Variants in ZBTB7C observed in about 807,000 individuals in gnomAD.
ZBTB7C encodes the protein zinc finger and BTB domain containing 7C, also known as zinc finger and BTB domain-containing protein 7C.
ZBTB7C carries 8 observed loss-of-function variants against 25.7 expected under a neutral mutation model. The ratio of observed to expected loss-of-function variants is 0.31; its 90% CI spans 0.18 to 0.56. The LOEUF (loss-of-function observed/expected upper bound fraction) is 0.56. Ranked by LOEUF, ZBTB7C falls within the 20% of genes least tolerant of loss-of-function variation. ZBTB7C has a pLI of 0.91. For missense variants in ZBTB7C, 824 were observed against 855.2 expected, an observed-to-expected ratio of 0.96 and a Z score of 0.46; for synonymous variants, 394 against 369.0, an observed-to-expected ratio of 1.07 and a Z score of -0.78.
chr18:48,245,456 C>T (rs1195388731), intron 2 of ZBTB7C, among the ~76,000 whole-genome samples: 7 of 130,530 alleles, frequency 5.4e-5, no homozygotes, highest in Non-Finnish European at 6.4e-5. Flanking sequence ...ACTTGTTCCC[C>T]TAAAAACCTA....
At chr18:48,205,939 T>C (rs533513313) in intron 2 of ZBTB7C, among the ~76,000 whole-genome samples, 1 of 152,294 alleles carries the variant, frequency 6.6e-6, no homozygotes, top group Non-Finnish European at 1.5e-5. Context: ...AATGAGTGCT[T>C]ACCTATTTAC....
intron 3 of ZBTB7C, among the ~76,000 whole-genome samples, chr18:48,112,708 G>A (rs532062568): frequency 1.3e-5 from 2 of 152,248 alleles, no homozygotes; most frequent in South Asian, 4.1e-4. Flanking sequence ...ATAGATGGTT[G>A]AGAAAAAATG....
intron 2 of ZBTB7C, among the ~76,000 whole-genome samples, chr18:48,261,477 C>A (rs1466831762): frequency 6.6e-6 from 1 of 152,172 alleles, no homozygotes. Flanking sequence ...AATGGCTTGG[C>A]GCTGCCGGAA....
At chr18:48,327,469 C>G (rs2046246209) in intron 2 of ZBTB7C, among the ~76,000 whole-genome samples, 1 of 152,206 alleles carries the variant, frequency 6.6e-6, no homozygotes, top group African/African-American at 2.4e-5. Flanking sequence ...CCCAGCTTTG[C>G]CGTGAACTCA....
intron 1 of ZBTB7C, among the ~76,000 whole-genome samples, chr18:48,348,636 G>A (rs998529011): frequency 2.6e-5 from 4 of 152,364 alleles, no homozygotes; most frequent in African/African-American, 9.6e-5. Flanking sequence ...GACCAACATG[G>A]TGAAACCTTG....
chr18:48,354,574 C>T (rs2046935637), intron 1 of ZBTB7C, among the ~76,000 whole-genome samples: 1 of 152,156 alleles, frequency 6.6e-6, no homozygotes. Flanking sequence ...ATCAAGGTAA[C>T]ATCCCAGCTT....
chr18:48,167,434 C>T (rs545831588), intron 3 of ZBTB7C, among the ~76,000 whole-genome samples: 1 of 152,218 alleles, frequency 6.6e-6, no homozygotes, highest in Non-Finnish European at 1.5e-5. Flanking sequence ...TGCACCCCAA[C>T]AAAGAAATGC....
intron 2 of ZBTB7C, among the ~76,000 whole-genome samples, chr18:48,309,747 A>G (rs1598839536): frequency 1.3e-5 from 2 of 152,226 alleles, no homozygotes; most frequent in East Asian, 3.9e-4. Flanking sequence ...TAAAAAATGT[A>G]CTACATTATC....
chr18:48,085,533 T>C (rs1037432521), intron 3 of ZBTB7C, among the ~76,000 whole-genome samples: 6 of 152,228 alleles, frequency 3.9e-5, no homozygotes, highest in African/African-American at 1.4e-4. Context: ...AGCAAGTGAC[T>C]GAACGTCTGT....
intron 3 of ZBTB7C, among the ~76,000 whole-genome samples, chr18:48,096,108 T>C (rs923975740): frequency 2.6e-5 from 4 of 152,170 alleles, no homozygotes; most frequent in Non-Finnish European, 4.4e-5. Flanking sequence ...GCCCAGCTCT[T>C]TTATAGAAGT....
At chr18:48,177,910 C>T (rs950051605) in intron 3 of ZBTB7C, among the ~76,000 whole-genome samples, 1 of 152,106 alleles carries the variant, frequency 6.6e-6, no homozygotes, top group African/African-American at 2.4e-5. Context: ...GTATCCCTTT[C>T]TCCAGGGAGG....
At chr18:48,041,184 A>T (rs535029400) in intron 3 of ZBTB7C, 61 bp from the exon 4 acceptor site, 1 of 1,500,974 alleles carries the variant, frequency 6.7e-7, no homozygotes, top group African/African-American at 1.4e-5. Flanking sequence ...AGGGGTCTCA[A>T]CTCTAGGACT....
At chr18:48,383,025 T>C (rs186538837) in intron 1 of ZBTB7C, among the ~76,000 whole-genome samples, 133 of 152,274 alleles carry the variant, frequency 8.7e-4, no homozygotes, top group African/African-American at 3.0e-3. Flanking sequence ...AGGCCACATG[T>C]GAATTTTCAT....
rs71165318 is a variant in ZBTB7C, at chr18:48,317,257, C to CAA, written c.-79+20915_-79+20916dup. ...GGGCGACAAGAGTGAAACTCCGTCT[C>CAA]AAAAAAAAAAAAAAAAAAAAAAAAG... On this transcript the variant is annotated intron_variant, in intron 2 of 4. Coordinates refer to ENST00000590800, the MANE Select transcript of ZBTB7C (RefSeq NM_001318841.2). Among the ~76,000 whole-genome samples, 467 of 68,114 alleles carry CAA rather than the reference C, an allele frequency of 6.9e-3. 5 individuals carry two copies. Among genetic ancestry groups the CAA allele is most frequent in the African/African-American group, 0.02 (344 of 17,482 alleles). The allele number at this position is 68,114 out of a possible 152,430, so 44.7% of individuals were successfully genotyped here.
At chr18:48,228,745 T>TCACACACACACACACACA (rs1375739209) in intron 2 of ZBTB7C, among the ~76,000 whole-genome samples, 3 of 136,628 alleles carry the variant, frequency 2.2e-5, no homozygotes. Flanking sequence ...TCTCTCTCTC[T>TCACACACACACACACACA]CTCACACACA....
chr18:48,280,108 C>T (rs757529068), intron 2 of ZBTB7C, among the ~76,000 whole-genome samples: 4 of 152,102 alleles, frequency 2.6e-5, no homozygotes, highest in Admixed American at 6.5e-5. Flanking sequence ...AATTAGAATA[C>T]GGTGTGGTCA....
intron 2 of ZBTB7C, among the ~76,000 whole-genome samples, chr18:48,288,853 C>T (rs2045135690): frequency 6.6e-6 from 1 of 152,148 alleles, no homozygotes; most frequent in Non-Finnish European, 1.5e-5. Flanking sequence ...TGTTTATAAA[C>T]TACCTAGTTT....
At chr18:48,177,081 G>C (rs1352133463) in intron 3 of ZBTB7C, among the ~76,000 whole-genome samples, 1 of 152,262 alleles carries the variant, frequency 6.6e-6, no homozygotes, top group African/African-American at 2.4e-5. Context: ...TTCACTGGTA[G>C]TGTTTTCATC....
chr18:48,280,554 C>T (rs2044808312), intron 2 of ZBTB7C, among the ~76,000 whole-genome samples: 2 of 152,160 alleles, frequency 1.3e-5, no homozygotes, highest in South Asian at 2.1e-4. Context: ...ACAGAGGAAC[C>T]CCTAAATCCC....
Sources: allele counts gnomAD v4.1 joint callset (sites outside exome capture counted in the v4.1 genomes callset), GRCh38; gene constraint gnomAD v4.1.1; transcripts MANE v1.5; gene names NCBI Gene and HGNC (gene_info 2026-07-23, HGNC 2026-07-21).